The following ENPP2 variants were observed in gnomAD, a reference collection of about 807,000 sequenced individuals.
The protein encoded by ENPP2 is ectonucleotide pyrophosphatase/phosphodiesterase 2.
In ENPP2, 51 loss-of-function variants were observed where a neutral mutation model predicts 120.2. The observed-to-expected ratio is 0.42, with a 90% CI of 0.34 to 0.54. The LOEUF is 0.54. Among genes scored for constraint, ENPP2 ranks in the 20% least tolerant of loss-of-function variants. The pLI, the probability that ENPP2 is intolerant of heterozygous loss-of-function variation, is 0.04. For missense variants in ENPP2, 920 were observed against 1,066.5 expected (o/e 0.86, Z 1.91); for synonymous variants, 365 against 366.4 (o/e 1.00, Z 0.04).
chr8:119,601,243 T>C (rs1178368721), intron 10 of ENPP2, among the ~76,000 whole-genome samples, 154 bp downstream of exon 10: 5 of 152,248 alleles, frequency 3.3e-5, no homozygotes, highest in Non-Finnish European at 5.9e-5. Context: ...AAGTCTATTG[T>C]ATCCTTCTTA....
chr8:119,663,549 C>T (rs901299115), intron 1 of ENPP2, among the ~76,000 whole-genome samples: 4 of 152,170 alleles, frequency 2.6e-5, no homozygotes, highest in Admixed American at 2.0e-4. Context: ...ACCTATAGAT[C>T]TCTTATAGTT....
intron 24 of ENPP2, among the ~76,000 whole-genome samples, chr8:119,561,344 G>T (rs756342897): frequency 1.3e-5 from 2 of 152,076 alleles, no homozygotes; most frequent in Non-Finnish European, 2.9e-5. Flanking sequence ...GGCTGCCTAG[G>T]AATAGTGACT....
chr8:119,610,913 A>T lies in ENPP2; in HGVS notation c.778-2936T>A, dbSNP rs550142688. On this transcript the variant is annotated intron_variant, in intron 8 of 24. Coordinates refer to ENST00000075322, the MANE Select transcript of ENPP2 (RefSeq NM_001040092.3). ...GTGAGATTCTGTCTTTAAAAAAAAA[A>T]AAAAAAATACAACTAAAAAAATAAG... is the stretch of plus-strand genomic sequence containing the variant. 2.5e-3 allele frequency among the ~76,000 whole-genome samples: 384 copies of T among 152,050 alleles called. 4 individuals carry two copies. The highest frequency in any genetic ancestry group is 7.7e-3 in the African/African-American group (320 of 41,456).
chr8:119,664,190 A>G (rs1431639945), intron 1 of ENPP2, among the ~76,000 whole-genome samples: 1 of 152,190 alleles, frequency 6.6e-6, no homozygotes, highest in South Asian at 2.1e-4. Context: ...GCTACAAACT[A>G]TGTCTTTTCA....
At chr8:119,592,177 T>C (rs116196988) in intron 12 of ENPP2, among the ~76,000 whole-genome samples, 1 of 152,258 alleles carries the variant, frequency 6.6e-6, no homozygotes, top group Admixed American at 6.5e-5. Context: ...CCAAAGACCA[T>C]GCCCTAAAAC....
intron 9 of ENPP2, among the ~76,000 whole-genome samples, chr8:119,603,840 T>C (rs1814490455): frequency 6.6e-6 from 1 of 152,116 alleles, no homozygotes; most frequent in South Asian, 2.1e-4. Flanking sequence ...GGGTCGTCAT[T>C]TTCTTGGGGG....
At chr8:119,603,603 G>C (rs898933147) in intron 9 of ENPP2, among the ~76,000 whole-genome samples, 2 of 152,162 alleles carry the variant, frequency 1.3e-5, no homozygotes, top group Admixed American at 6.5e-5. Context: ...TAAAGTTGTA[G>C]TAAAGGTGAA....
At chr8:119,557,751 G>A (rs1813581347) in intron 24 of ENPP2, 60 bp from the exon 25 acceptor site, 2 of 1,420,752 alleles carry the variant, frequency 1.4e-6, no homozygotes, top group Non-Finnish European at 1.9e-6. Context: ...TCTCCAAATG[G>A]TCAGTTTACT....
intron 11 of ENPP2, chr8:119,596,000 C>T: frequency 6.2e-7 from 1 of 1,613,864 alleles, no homozygotes; most frequent in Non-Finnish European, 8.5e-7. Context: ...CATAACTACT[C>T]TCCTGTACTG....
At chr8:119,570,682 T>TA in intron 20 of ENPP2, 23 bp downstream of exon 20, 2 of 1,396,806 alleles carry the variant, frequency 1.4e-6, no homozygotes, top group Non-Finnish European at 1.9e-6. Flanking sequence ...ATAAAAAATA[T>TA]AAAATCCAAT....
chr8:119,621,423 C>T lies in ENPP2; in HGVS notation c.389G>A (p.Cys130Tyr). ...GCAAACCACTTGGTAATTGGTACAG[C>T]AGTCTCCCCTGGCCAAGCAGTCCTC... Reference protein sequence around the residue: ...CSEDCLARGDCCTNYQVVCKG... With the variant: ...CSEDCLARGDYCTNYQVVCKG... Residue 130 changes from cysteine to tyrosine, a missense_variant, in exon 4 of 25, where the codon TGC becomes TAC. Coordinates refer to ENST00000075322, the MANE Select transcript of ENPP2 (RefSeq NM_001040092.3). The T allele has an allele frequency of 6.2e-7, 1 of 1,613,528 alleles. No homozygotes were observed. Among genetic ancestry groups the T allele is most frequent in the Non-Finnish European group, 8.5e-7 (1 of 1,179,576 alleles).
In ENPP2 at chr8:119,617,578, C is replaced by T. The variant is rs1815555419; in HGVS notation, c.480-15G>A. ...GGCGAACAAACCTTAAACAGTAACACATTAAGCTTTTAGAAACATTATTAC... is the reference window on the plus strand; with the variant it reads ...GGCGAACAAACCTTAAACAGTAACATATTAAGCTTTTAGAAACATTATTAC... On this transcript the variant is annotated splice_polypyrimidine_tract_variant and intron_variant, in intron 5 of 24. Coordinates refer to ENST00000075322, the MANE Select transcript of ENPP2 (RefSeq NM_001040092.3). 3.8e-6 allele frequency: 6 copies of T among 1,562,770 alleles called. No homozygotes were observed. The East Asian group carries it at 1.1e-4, about 29-fold the overall frequency.
At chr8:119,562,057 A>AAT (rs1444820930) in intron 24 of ENPP2, among the ~76,000 whole-genome samples, 1 of 151,758 alleles carries the variant, frequency 6.6e-6, no homozygotes, top group South Asian at 2.1e-4. Context: ...GAATGGCGTG[A>AAT]GCCCGGGAGG....
intron 9 of ENPP2, among the ~76,000 whole-genome samples, chr8:119,607,274 T>G (rs950385824): frequency 6.6e-6 from 1 of 152,136 alleles, no homozygotes; most frequent in African/African-American, 2.4e-5. Context: ...CCATAAATAG[T>G]CTAAGAGAAA....
chr8:119,619,319 G>A lies in ENPP2; in HGVS notation c.419-15C>T, dbSNP rs1221618877. 1.3e-6 allele frequency: 2 copies of A among 1,582,450 alleles called. No individual in the cohort carries two copies. Among genetic ancestry groups the A allele is most frequent in the Non-Finnish European group, 1.7e-6 (2 of 1,151,834 alleles). ...ATGCGACTCTCCTATAAGGAAAAAT[G>A]GGTAAATGTATTGTTGAATCTAATT... On this transcript the variant is annotated splice_polypyrimidine_tract_variant and intron_variant, in intron 4 of 24. Coordinates refer to ENST00000075322, the MANE Select transcript of ENPP2 (RefSeq NM_001040092.3).
intron 13 of ENPP2, among the ~76,000 whole-genome samples, chr8:119,587,317 T>C (rs1049186433): frequency 1.3e-5 from 2 of 152,228 alleles, no homozygotes; most frequent in African/African-American, 4.8e-5. Flanking sequence ...TCTGCTCTTC[T>C]GGAGGGAATT....
At chr8:119,668,679 G>A (rs536242442) in intron 1 of ENPP2, among the ~76,000 whole-genome samples, 22 of 151,872 alleles carry the variant, frequency 1.4e-4, no homozygotes, top group East Asian at 5.8e-4. Context: ...CACCCGCCTC[G>A]GCCTCCCAAA....
Position 119,564,836 on chromosome 8 carries a change from C to T in ENPP2, c.2251G>A (p.Asp751Asn), listed in dbSNP as rs1378888522. 3 of 1,613,172 alleles carry T rather than the reference C, an allele frequency of 1.9e-6. No homozygotes were observed. The highest frequency in any genetic ancestry group is 2.5e-6 in the Non-Finnish European group (3 of 1,179,574). Residue 751 changes from aspartate to asparagine, a missense_variant, in exon 23 of 25, where the codon GAC becomes AAC. Physicochemically the swap from Asp to Asn is conservative, Grantham distance 23. Transcript: ENST00000075322. ...YDYDGLHDTE[D>N]KIKQYVEGSS... The stretch of plus-strand genomic sequence containing the variant: ...TGAAACGCTTACTGTTTTATTTTGT[C>T]TTCTGTGTCATGTAAGCCATCATAG...
chr8:119,586,706 C>T (rs182487854), intron 14 of ENPP2, among the ~76,000 whole-genome samples: 176 of 152,152 alleles, frequency 1.2e-3, no homozygotes, highest in African/African-American at 4.1e-3. Flanking sequence ...CCACTAAGGT[C>T]GCTACCCAGC....
Sources: gnomAD v4.1 joint callset for allele counts (sites outside exome capture counted in the v4.1 genomes callset) on GRCh38, gnomAD v4.1.1 for gene constraint, MANE v1.5 for transcripts, NCBI Gene and HGNC (gene_info 2026-07-23, HGNC 2026-07-21) for gene names.